The following SLC26A3 variants were observed in gnomAD, a reference collection of about 807,000 sequenced individuals.
SLC26A3 encodes solute carrier family 26 member 3.
In SLC26A3, 64 loss-of-function variants were observed where a neutral mutation model predicts 85.6. The observed-to-expected ratio is 0.75, with a 90% CI of 0.61 to 0.92. The LOEUF (loss-of-function observed/expected upper bound fraction) is 0.92, where lower values mean the gene tolerates loss of function less well. Ranked by LOEUF, SLC26A3 falls within the 40% of genes least tolerant of loss-of-function variation. The pLI is 0.00. For synonymous variants in SLC26A3, 349 were observed against 336.0 expected, an observed-to-expected ratio of 1.04 and a Z score of -0.42; for missense variants, 922 against 927.3, an observed-to-expected ratio of 0.99 and a Z score of 0.07.
At position 107,781,017 on chromosome 7, in the gene SLC26A3, C is replaced by T. The variant is rs140584337; in HGVS notation, c.1312-1254G>A. Among the ~76,000 whole-genome samples, 12 of 152,196 alleles carry T rather than the reference C, an allele frequency of 7.9e-5. No homozygotes were observed. In the East Asian group the frequency reaches 2.3e-3, roughly 29 times the overall value. The stretch of plus-strand genomic sequence containing the variant: ...TAAAATATGTCAAGAGACACCTGTG[C>T]GAAGAGACTTTTTTTTTCCATTGGG... On this transcript the variant is annotated intron_variant, in intron 11 of 20. Coordinates refer to ENST00000340010, the MANE Select transcript of SLC26A3 (RefSeq NM_000111.3).
chr7:107,786,863 CT>C lies in SLC26A3; in HGVS notation c.934del (p.Arg312GlyfsTer10). ...GVSYGCDFKN[R>X]FKVAVVGDMN... ...GTCCCCAACCACAGCCACTTTAAAC[CT>C]GTTTTTAAAGTCACAGCCGTAGGAT... On this transcript the variant is annotated frameshift_variant, in exon 8 of 21. Transcript: ENST00000340010. LOFTEE classifies it high-confidence loss of function. 1 of 1,614,118 alleles carries C rather than the reference CT, an allele frequency of 6.2e-7. No individual in the cohort carries two copies. The highest frequency in any genetic ancestry group is 8.5e-7 in the Non-Finnish European group (1 of 1,180,004).
chr7:107,768,477 T>C (rs1793952797), intron 18 of SLC26A3, among the ~76,000 whole-genome samples: 1 of 152,230 alleles, frequency 6.6e-6, no homozygotes, highest in Non-Finnish European at 1.5e-5. Context: ...ATGTCTGCCA[T>C]GTGCAAAACT....
At chr7:107,794,720 CCTAG>C in intron 1 of SLC26A3, 123 bp from the exon 2 acceptor site, 2 of 567,360 alleles carry the variant, frequency 3.5e-6, no homozygotes. Context: ...GATTAAGGGA[CCTAG>C]ATTGTGTTTT....
chr7:107,790,305 A>C (rs559255525), intron 5 of SLC26A3, among the ~76,000 whole-genome samples: 1 of 152,300 alleles, frequency 6.6e-6, no homozygotes, highest in East Asian at 1.9e-4. Flanking sequence ...CATCTCCAGA[A>C]CGCAGCCAGA....
At chr7:107,772,967 C>G (rs1264411380) in intron 17 of SLC26A3, among the ~76,000 whole-genome samples, 1 of 152,148 alleles carries the variant, frequency 6.6e-6, no homozygotes, top group Non-Finnish European at 1.5e-5. Flanking sequence ...GGTCAGCTCT[C>G]ACTTGGGCAG....
chr7:107,773,158 ATTC>A (rs1794054253), intron 17 of SLC26A3, among the ~76,000 whole-genome samples: 1 of 152,190 alleles, frequency 6.6e-6, no homozygotes, highest in South Asian at 2.1e-4. Flanking sequence ...TGTGACATTT[ATTC>A]TTTCATATAT....
At chr7:107,780,866 C>T (rs1584405832) in intron 11 of SLC26A3, among the ~76,000 whole-genome samples, 1 of 152,106 alleles carries the variant, frequency 6.6e-6, no homozygotes, top group African/African-American at 2.4e-5. Context: ...ACATACTATA[C>T]TAATGTATAG....
At chr7:107,799,735 C>G (rs1233974684) in intron 1 of SLC26A3, among the ~76,000 whole-genome samples, 1 of 152,152 alleles carries the variant, frequency 6.6e-6, no homozygotes, top group East Asian at 1.9e-4. Context: ...TATTTTCCTT[C>G]TAGGGCTGTT....
chr7:107,770,030 C>CTTTCT (rs1793985792), intron 18 of SLC26A3, among the ~76,000 whole-genome samples: 2 of 76,392 alleles, frequency 2.6e-5, no homozygotes, highest in South Asian at 7.0e-4. Flanking sequence ...TTCTTTCTTT[C>CTTTCT]TTTCTTTCTT....
rs1426322759 is a variant in SLC26A3 at position 107,793,841 on chromosome 7, A to T, written c.172T>A (p.Phe58Ile). 6.2e-7 allele frequency: 1 copy of T among 1,614,134 alleles called. No individual in the cohort carries two copies. Among genetic ancestry groups the T allele is most frequent in the Non-Finnish European group, 8.5e-7 (1 of 1,179,970 alleles). Residue 58 changes from phenylalanine to isoleucine, a missense_variant, in exon 3 of 21, where the codon TTC becomes ATC. Physicochemically the swap from Phe to Ile is conservative, Grantham distance 21 (BLOSUM62 0). Coordinates refer to ENST00000340010, the MANE Select transcript of SLC26A3 (RefSeq NM_000111.3). ...QKAKRIVLSL[F>I]PIASWLPAYR... is the part of the protein sequence containing the mutation. ...GCTGGCAACCAAGATGCTATGGGGA[A>T]CAAAGAGAGGACAATTCTCTTGGCC...
chr7:107,787,749 A>G (rs746059888), intron 6 of SLC26A3, among the ~76,000 whole-genome samples: 5 of 152,138 alleles, frequency 3.3e-5, no homozygotes, highest in Non-Finnish European at 7.4e-5. Context: ...TGCTTCTGGC[A>G]TTTTTGCTGG....
chr7:107,794,030 C>T (rs1171298169), intron 2 of SLC26A3, 149 bp from the exon 3 acceptor site: 2 of 1,066,346 alleles, frequency 1.9e-6, no homozygotes, highest in Non-Finnish European at 2.8e-6. Flanking sequence ...TAATCAGCTG[C>T]CCTCTGGTCA....
At chr7:107,799,190 T>C (rs187460070) in intron 1 of SLC26A3, among the ~76,000 whole-genome samples, 308 of 152,248 alleles carry the variant, frequency 2.0e-3, no homozygotes, top group Non-Finnish European at 3.2e-3. Context: ...TAATTGTTAC[T>C]ACTATTTTTC....
intron 20 of SLC26A3, among the ~76,000 whole-genome samples, chr7:107,766,929 A>G (rs1016293540): frequency 6.7e-6 from 1 of 149,678 alleles, no homozygotes; most frequent in Non-Finnish European, 1.5e-5. Context: ...GTATATTGTT[A>G]TAAGGATTGA....
chr7:107,793,821 C>A lies in SLC26A3; in HGVS notation c.192G>T (p.Leu64Phe). 1 of 1,614,092 alleles carries A rather than the reference C, an allele frequency of 6.2e-7. No homozygotes were observed. Residue 64 changes from leucine to phenylalanine, a missense_variant, in exon 3 of 21, where the codon TTG becomes TTT. Leu to Phe is a conservative substitution (Grantham distance 22). Coordinates refer to ENST00000340010, the MANE Select transcript of SLC26A3 (RefSeq NM_000111.3). ...ACCATTCTTTAAGCCGGTATGCTGG[C>A]AACCAAGATGCTATGGGGAACAAAG... ...VLSLFPIASW[L>F]PAYRLKEWLL...
At chr7:107,798,020 T>C (rs1794540179) in intron 1 of SLC26A3, among the ~76,000 whole-genome samples, 1 of 152,174 alleles carries the variant, frequency 6.6e-6, no homozygotes, top group South Asian at 2.1e-4. Flanking sequence ...ATTTGGGGAT[T>C]GAAATTCATT....
At chr7:107,774,622 C>A (rs561516822) in intron 16 of SLC26A3, among the ~76,000 whole-genome samples, 155 bp downstream of exon 16, 7 of 152,158 alleles carry the variant, frequency 4.6e-5, no homozygotes, top group African/African-American at 1.7e-4. Flanking sequence ...TTTAGGGAGA[C>A]CCTCAGAAGG....
intron 8 of SLC26A3, among the ~76,000 whole-genome samples, chr7:107,784,723 C>T (rs1032766867): frequency 3.3e-5 from 5 of 152,160 alleles, no homozygotes; most frequent in African/African-American, 7.2e-5. Context: ...TGAGCCATGG[C>T]GCCCGTCCTT....
At position 107,783,285 on chromosome 7, in the gene SLC26A3, C is replaced by T. The variant is rs773932967; in HGVS notation, c.1039G>A (p.Ala347Thr). 6 of 1,614,052 alleles carry T rather than the reference C, an allele frequency of 3.7e-6. No individual in the cohort carries two copies. Among genetic ancestry groups the T allele is most frequent in the Admixed American group, 1.7e-5 (1 of 60,000 alleles). The change falls in exon 9 of 21, where the codon GCA (alanine) becomes ACA (threonine). Residue 347 changes from alanine (A) to threonine (T), a missense_variant. By Grantham distance (58) the Ala-to-Thr change is moderately conservative. Coordinates refer to ENST00000340010, the MANE Select transcript of SLC26A3 (RefSeq NM_000111.3). ...AAGGCCACTGCAAATGCAACCATTG[C>T]GATGCCGAAGCAATCTCCTACGGTG... ...QNTVGDCFGI[A>T]MVAFAVAFSV... is the part of the protein sequence containing the mutation.
Sources: allele counts gnomAD v4.1 joint callset (sites outside exome capture counted in the v4.1 genomes callset), GRCh38; gene constraint gnomAD v4.1.1; transcripts MANE v1.5; gene names NCBI Gene and HGNC (gene_info 2026-07-23, HGNC 2026-07-21).